SLCO6A1: variants seen among roughly 807,000 people sequenced by gnomAD.
SLCO6A1 encodes the protein solute carrier organic anion transporter family member 6A1.
Under a neutral mutation model 72.7 loss-of-function variants are expected in SLCO6A1, and 65 were observed. The ratio of observed to expected loss-of-function variants is 0.89; its 90% CI spans 0.73 to 1.10. The LOEUF (loss-of-function observed/expected upper bound fraction) is 1.10. Ranked by LOEUF, SLCO6A1 falls within the 50% of genes least tolerant of loss-of-function variation. The pLI is 0.00. For missense variants in SLCO6A1, 874 were observed against 872.6 expected (o/e 1.00, Z -0.02); for synonymous variants, 314 against 298.2 (o/e 1.05, Z -0.55).
intron 12 of SLCO6A1, among the ~76,000 whole-genome samples, chr5:102,383,933 G>A (rs1188561877): frequency 6.6e-6 from 1 of 151,510 alleles, no homozygotes; most frequent in East Asian, 1.9e-4. Flanking sequence ...ATGTTTATAG[G>A]AATTTGTTCA....
chr5:102,482,794 A>T (rs562385714), intron 1 of SLCO6A1, among the ~76,000 whole-genome samples: 1 of 152,208 alleles, frequency 6.6e-6, no homozygotes, highest in Non-Finnish European at 1.5e-5. Context: ...CAGGACCATG[A>T]TGACAAAAGA....
chr5:102,487,919 A>G (rs1217307350), intron 1 of SLCO6A1, among the ~76,000 whole-genome samples: 2 of 152,228 alleles, frequency 1.3e-5, no homozygotes, highest in Non-Finnish European at 2.9e-5. Context: ...CTGTAAAACA[A>G]GACCAAGGCA....
chr5:102,433,050 C>G (rs1048805287), intron 7 of SLCO6A1, among the ~76,000 whole-genome samples: 1 of 152,124 alleles, frequency 6.6e-6, no homozygotes. Flanking sequence ...ATTTCTTCAG[C>G]TTGATCTATC....
intron 4 of SLCO6A1, among the ~76,000 whole-genome samples, chr5:102,472,210 T>C (rs1482527489): frequency 1.3e-5 from 2 of 152,078 alleles, no homozygotes; most frequent in African/African-American, 4.8e-5. Flanking sequence ...AAACAAAATA[T>C]ATTCAGCACA....
At chr5:102,416,336 G>A (rs1748283392) in intron 8 of SLCO6A1, among the ~76,000 whole-genome samples, 1 of 151,698 alleles carries the variant, frequency 6.6e-6, no homozygotes, top group Admixed American at 6.6e-5. Context: ...ATTAAAAAAT[G>A]TGATATATAA....
intron 6 of SLCO6A1, among the ~76,000 whole-genome samples, chr5:102,440,849 T>A (rs888685531): frequency 6.6e-6 from 1 of 152,268 alleles, no homozygotes; most frequent in African/African-American, 2.4e-5. Context: ...AAGTATAAAG[T>A]AGTACCACAA....
chr5:102,497,817 A>G (rs1263893073), intron 1 of SLCO6A1, among the ~76,000 whole-genome samples: 2 of 152,362 alleles, frequency 1.3e-5, no homozygotes, highest in African/African-American at 2.4e-5. Context: ...CTGCCTTTGC[A>G]GGACTAACAA....
intron 6 of SLCO6A1, among the ~76,000 whole-genome samples, chr5:102,445,807 T>C (rs757556704): frequency 6.6e-6 from 1 of 152,200 alleles, no homozygotes; most frequent in Admixed American, 6.5e-5. Context: ...TATCCCAGCA[T>C]CATTTATTGA....
At chr5:102,424,168 A>G (rs1168428019) in intron 7 of SLCO6A1, among the ~76,000 whole-genome samples, 1 of 152,210 alleles carries the variant, frequency 6.6e-6, no homozygotes, top group Non-Finnish European at 1.5e-5. Flanking sequence ...AGGAGAAAGC[A>G]GGAAAGATCT....
intron 6 of SLCO6A1, among the ~76,000 whole-genome samples, chr5:102,453,806 A>G (rs1457369497): frequency 6.6e-6 from 1 of 152,234 alleles, no homozygotes; most frequent in South Asian, 2.1e-4. Flanking sequence ...GTTTTACTTA[A>G]ATATCTTGAG....
chr5:102,384,252 G>T (rs1210541852), intron 12 of SLCO6A1, among the ~76,000 whole-genome samples: 1 of 151,370 alleles, frequency 6.6e-6, no homozygotes, highest in Non-Finnish European at 1.5e-5. Flanking sequence ...TGTTTCCCTT[G>T]CCCCTTGAGG....
chr5:102,388,888 C>G, intron 11 of SLCO6A1, 63 bp from the exon 12 acceptor site: 1 of 1,413,204 alleles, frequency 7.1e-7, no homozygotes, highest in Non-Finnish European at 9.6e-7. Context: ...ACATGTAATG[C>G]ACACACAGAT....
At chr5:102,373,583 CAT>C in intron 12 of SLCO6A1, 89 bp from the exon 13 acceptor site, 1 of 873,984 alleles carries the variant, frequency 1.1e-6, no homozygotes, top group South Asian at 3.8e-5. Context: ...GAAAGGTAAG[CAT>C]ATTTCACCTA....
intron 1 of SLCO6A1, among the ~76,000 whole-genome samples, chr5:102,492,271 G>A (rs1290474671): frequency 6.6e-6 from 1 of 152,168 alleles, no homozygotes; most frequent in Non-Finnish European, 1.5e-5. Context: ...AGTAATGTAA[G>A]GAGAGAGATG....
chr5:102,393,804 G>C (rs1402096449), intron 10 of SLCO6A1, among the ~76,000 whole-genome samples: 1 of 152,052 alleles, frequency 6.6e-6, no homozygotes, highest in African/African-American at 2.4e-5. Flanking sequence ...AAATAACGAA[G>C]ACAGAAGGGA....
chr5:102,477,922 A>G (rs115504797), intron 2 of SLCO6A1, 61 bp from the exon 3 acceptor site: 11 of 1,424,366 alleles, frequency 7.7e-6, no homozygotes, highest in South Asian at 1.4e-5. Context: ...ACAAATGTGC[A>G]GTATTCTTTA....
intron 9 of SLCO6A1, among the ~76,000 whole-genome samples, chr5:102,412,479 G>C (rs560557444): frequency 1.3e-5 from 2 of 152,056 alleles, no homozygotes; most frequent in Non-Finnish European, 2.9e-5. Context: ...ATTTTTGCCA[G>C]GCACGGTGAC....
chr5:102,444,608 T>A (rs1243188014), intron 6 of SLCO6A1, among the ~76,000 whole-genome samples: 3 of 152,216 alleles, frequency 2.0e-5, no homozygotes, highest in East Asian at 1.9e-4. Context: ...AAATTTAAAT[T>A]TTTTTTTGCT....
At chr5:102,376,701 C>T (rs1370831241) in intron 12 of SLCO6A1, among the ~76,000 whole-genome samples, 1 of 151,922 alleles carries the variant, frequency 6.6e-6, no homozygotes, top group Admixed American at 6.6e-5. Flanking sequence ...AAAGACAATA[C>T]CAAATAACTG....
Sources: allele counts gnomAD v4.1 joint callset (sites outside exome capture counted in the v4.1 genomes callset), GRCh38; gene constraint gnomAD v4.1.1; transcripts MANE v1.5; gene names NCBI Gene and HGNC (gene_info 2026-07-23, HGNC 2026-07-21).